CPQ: variants seen among roughly 807,000 people sequenced by gnomAD.
CPQ encodes the protein carboxypeptidase Q.
A neutral mutation model predicts 45.7 loss-of-function variants in CPQ; 37 were observed. The observed-to-expected ratio is 0.81, with a 90% confidence interval of 0.62 to 1.07. The LOEUF is 1.07. Among genes scored for constraint, CPQ ranks in the 50% least tolerant of loss-of-function variants. CPQ has a pLI of 0.00. For missense variants in CPQ, 537 were observed against 572.9 expected, an observed-to-expected ratio of 0.94 and a Z score of 0.64; for synonymous variants, 186 against 205.8, an observed-to-expected ratio of 0.90 and a Z score of 0.82.
rs1812321232 is a variant in CPQ at position 96,887,592 on chromosome 8, GAC to G, written c.849+7588_849+7589del. 6.4e-5 allele frequency among the ~76,000 whole-genome samples: 7 copies of G among 109,290 alleles called. No homozygotes were observed. In the Admixed American group the frequency reaches 6.4e-4, roughly 10 times the overall value. The allele number at this position is 109,290 out of a possible 152,430, so 71.7% of individuals were successfully genotyped here. On this transcript the variant is annotated intron_variant, in intron 4 of 7. Coordinates refer to ENST00000220763, the MANE Select transcript of CPQ (RefSeq NM_016134.4). ...CAGAGGACAAACTGATCCTAAACTG[GAC>G]TCTCTCTCACCAGTAATGGATTCTC...
intron 1 of CPQ, among the ~76,000 whole-genome samples, chr8:96,709,544 TGCTG>T (rs1174549360): frequency 6.6e-6 from 1 of 152,182 alleles, no homozygotes; most frequent in East Asian, 1.9e-4. Context: ...TTTTGAACCG[TGCTG>T]CGATAAACAT....
At chr8:97,046,668 TC>T (rs1434824146) in intron 6 of CPQ, among the ~76,000 whole-genome samples, 1 of 152,174 alleles carries the variant, frequency 6.6e-6, no homozygotes, top group Non-Finnish European at 1.5e-5. Context: ...CCCTGTGAAA[TC>T]AGAGGCAGTG....
At chr8:97,107,412 A>T (rs1168324217) in intron 7 of CPQ, among the ~76,000 whole-genome samples, 2 of 152,228 alleles carry the variant, frequency 1.3e-5, no homozygotes, top group Non-Finnish European at 2.9e-5. Context: ...TGTGCTTGTG[A>T]GGGGCCTGCA....
chr8:96,888,172 C>T (rs971912898), intron 4 of CPQ, among the ~76,000 whole-genome samples: 3 of 152,160 alleles, frequency 2.0e-5, no homozygotes, highest in Non-Finnish European at 4.4e-5. Flanking sequence ...CCTGCAGTCT[C>T]GAGCATCAGA....
chr8:97,122,980 ATT>A (rs1563586938), intron 7 of CPQ, among the ~76,000 whole-genome samples: 1 of 50,392 alleles, frequency 2.0e-5, no homozygotes, highest in Non-Finnish European at 3.1e-5. Flanking sequence ...ATAAAATAAA[ATT>A]AAAATAAAAT....
chr8:96,731,527 A>G (rs1189275411), intron 1 of CPQ, among the ~76,000 whole-genome samples: 2 of 152,156 alleles, frequency 1.3e-5, no homozygotes, highest in African/African-American at 2.4e-5. Context: ...ATAGGAATAA[A>G]TGGAGGTGGG....
chr8:96,814,105 G>A (rs1399391170), intron 2 of CPQ, among the ~76,000 whole-genome samples: 1 of 151,572 alleles, frequency 6.6e-6, no homozygotes, highest in Non-Finnish European at 1.5e-5. Context: ...GTATTTTGGG[G>A]GGCATTATTC....
intron 1 of CPQ, among the ~76,000 whole-genome samples, chr8:96,671,584 A>T (rs1232976205): frequency 2.6e-5 from 4 of 152,218 alleles, no homozygotes; most frequent in Non-Finnish European, 5.9e-5. Context: ...CAGCTGCAAC[A>T]AGGAAACTAT....
At chr8:96,693,591 C>A (rs192565288) in intron 1 of CPQ, among the ~76,000 whole-genome samples, 1 of 152,014 alleles carries the variant, frequency 6.6e-6, no homozygotes, top group African/African-American at 2.4e-5. Flanking sequence ...AATCTTTTAC[C>A]ATGGAATAGT....
chr8:96,836,442 T>C (rs1026044540), intron 3 of CPQ, among the ~76,000 whole-genome samples: 2 of 152,188 alleles, frequency 1.3e-5, no homozygotes, highest in Admixed American at 6.5e-5. Context: ...ACTAGTTACA[T>C]TGATGTCATA....
At chr8:96,971,538 T>G (rs1813680056) in intron 5 of CPQ, among the ~76,000 whole-genome samples, 2 of 152,204 alleles carry the variant, frequency 1.3e-5, no homozygotes, top group Admixed American at 1.3e-4. Flanking sequence ...TATTGCCATG[T>G]TGGATACGCT....
intron 7 of CPQ, among the ~76,000 whole-genome samples, chr8:97,130,992 A>G (rs1249050873): frequency 6.6e-6 from 1 of 152,238 alleles, no homozygotes. Flanking sequence ...ACCAAGAAAG[A>G]AAAGCCTACT....
chr8:96,717,075 A>ATACG (rs1160520240), intron 1 of CPQ, among the ~76,000 whole-genome samples: 1 of 92,200 alleles, frequency 1.1e-5, no homozygotes, highest in Admixed American at 1.1e-4. Context: ...ATATATATAT[A>ATACG]TACGTATATA....
chr8:96,895,732 TCA>T (rs1812434376), intron 4 of CPQ, among the ~76,000 whole-genome samples: 2 of 152,212 alleles, frequency 1.3e-5, no homozygotes, highest in African/African-American at 4.8e-5. Flanking sequence ...AAGTGTGCTG[TCA>T]CAGTTATACT....
chr8:97,028,122 A>G (rs1809832730), intron 5 of CPQ, among the ~76,000 whole-genome samples: 1 of 152,230 alleles, frequency 6.6e-6, no homozygotes, highest in African/African-American at 2.4e-5. Flanking sequence ...AACTGCAACT[A>G]TGGTCAGCCT....
intron 1 of CPQ, among the ~76,000 whole-genome samples, chr8:96,688,018 G>T (rs548662242): frequency 1.3e-5 from 2 of 151,654 alleles, no homozygotes; most frequent in South Asian, 4.1e-4. Flanking sequence ...TGCTTATTCT[G>T]TCATGTCCTG....
At chr8:96,854,487 C>T (rs1322194443) in intron 3 of CPQ, among the ~76,000 whole-genome samples, 3 of 123,298 alleles carry the variant, frequency 2.4e-5, no homozygotes, top group Admixed American at 9.4e-5. Flanking sequence ...GCCGAGATTG[C>T]GCCACTGCAC....
chr8:96,887,653 T>G (rs1812322476), intron 4 of CPQ, among the ~76,000 whole-genome samples: 1 of 152,222 alleles, frequency 6.6e-6, no homozygotes, highest in Admixed American at 6.5e-5. Flanking sequence ...CCATTTCTTT[T>G]GATCCCCAGC....
At chr8:96,938,336 G>A (rs1477462975) in intron 4 of CPQ, among the ~76,000 whole-genome samples, 2 of 152,270 alleles carry the variant, frequency 1.3e-5, no homozygotes, top group East Asian at 3.9e-4. Context: ...GTTTGAGGCT[G>A]CAATGAACTA....
Sources: gnomAD v4.1 joint callset for allele counts (sites outside exome capture counted in the v4.1 genomes callset) on GRCh38, gnomAD v4.1.1 for gene constraint, MANE v1.5 for transcripts, NCBI Gene and HGNC (gene_info 2026-07-23, HGNC 2026-07-21) for gene names.